The following TEAD4 variants were observed in gnomAD, a reference collection of about 807,000 sequenced individuals.
TEAD4 encodes the protein transcriptional enhancer factor TEF-3.
A neutral mutation model predicts 52.4 loss-of-function variants in TEAD4; 36 were observed. The ratio of observed to expected loss-of-function variants is 0.69; its 90% CI spans 0.53 to 0.91. TEAD4 has a LOEUF of 0.91. Among genes scored for constraint, TEAD4 ranks in the 40% least tolerant of loss-of-function variants. The probability of loss-of-function intolerance (pLI) is 0.00; values close to 1 mark genes in which losing one functional copy is unlikely to be tolerated. For missense variants in TEAD4, 508 were observed against 583.9 expected (o/e 0.87, Z 1.34); for synonymous variants, 220 against 231.0 (o/e 0.95, Z 0.43).
At chr12:3,005,215 C>T (rs912300226) in intron 3 of TEAD4, among the ~76,000 whole-genome samples, 6 of 152,176 alleles carry the variant, frequency 3.9e-5, no homozygotes, top group African/African-American at 1.4e-4. Context: ...GAGGCTGGGG[C>T]GGGCATGACG....
chr12:3,017,555 AGGCCAGCCCT>A (rs748682645), intron 6 of TEAD4, 29 bp downstream of exon 6: 6 of 1,599,360 alleles, frequency 3.8e-6, no homozygotes, highest in Non-Finnish European at 5.1e-6. Context: ...GCTGGAGGCC[AGGCCAGCCCT>A]CTCCTCCTCC....
intron 2 of TEAD4, among the ~76,000 whole-genome samples, chr12:2,991,400 G>A (rs2098242870): frequency 6.6e-6 from 1 of 152,236 alleles, no homozygotes. Flanking sequence ...GATGGCTCAC[G>A]CCTGTGATTT....
rs374808829 is a variant in TEAD4, at chr12:3,038,200, G to A, written c.1038+92G>A. The A allele has an allele frequency of 1.9e-4, 284 of 1,488,574 alleles. 1 individual carries two copies. The African/African-American group carries it at 2.9e-3, about 15-fold the overall frequency. 92.2% of individuals were successfully genotyped at this position (1,488,574 alleles called of 1,614,324 possible). A position where few individuals can be genotyped will look rare whatever the true frequency, so the allele number is the denominator to read the frequency against. On this transcript the variant is annotated intron_variant, in intron 11 of 12. Transcript: ENST00000359864. ...TTTGCTTTCAGGAGGAATGCCCTCC[G>A]TTAGGGAGCCAGGATAATCCCTTGT...
intron 2 of TEAD4, among the ~76,000 whole-genome samples, chr12:2,979,719 C>A (rs1261886461): frequency 6.6e-6 from 1 of 152,198 alleles, no homozygotes; most frequent in Non-Finnish European, 1.5e-5. Context: ...TCCTTCCCTC[C>A]TGAGATGACA....
chr12:2,980,907 G>T (rs2098233643), intron 2 of TEAD4, among the ~76,000 whole-genome samples: 1 of 152,178 alleles, frequency 6.6e-6, no homozygotes. Context: ...GAGGCAGCTT[G>T]CAGTGGGGAA....
At chr12:3,003,572 G>T (rs1363443678) in intron 3 of TEAD4, among the ~76,000 whole-genome samples, 2 of 152,140 alleles carry the variant, frequency 1.3e-5, no homozygotes, top group African/African-American at 4.8e-5. Context: ...CCTGGATGCT[G>T]CATCAGGAAT....
intron 10 of TEAD4, among the ~76,000 whole-genome samples, chr12:3,028,663 C>G (rs1184165705): frequency 6.6e-6 from 1 of 151,710 alleles, no homozygotes; most frequent in Admixed American, 6.6e-5. Flanking sequence ...GACAGTCTTT[C>G]TCTGTCACCT....
chr12:2,983,294 C>A (rs527798143), intron 2 of TEAD4, among the ~76,000 whole-genome samples: 7 of 152,286 alleles, frequency 4.6e-5, no homozygotes, highest in African/African-American at 1.7e-4. Context: ...TCAGGCCCTA[C>A]GCTAGATGAC....
At chr12:2,961,261 G>A (rs1408594596) in intron 2 of TEAD4, among the ~76,000 whole-genome samples, 1 of 152,172 alleles carries the variant, frequency 6.6e-6, no homozygotes, top group East Asian at 1.9e-4. Flanking sequence ...AGGTAACCCA[G>A]TAGAAGAATC....
intron 3 of TEAD4, among the ~76,000 whole-genome samples, chr12:3,000,433 G>A (rs3825371): frequency 0.59 from 90,162 of 151,968 alleles, 31,636 homozygotes; most frequent in East Asian, 0.77. Flanking sequence ...GGCATCCCGT[G>A]GCGAAGGGGC....
At chr12:3,013,246 C>T (rs1408101414) in intron 5 of TEAD4, among the ~76,000 whole-genome samples, 2 of 148,922 alleles carry the variant, frequency 1.3e-5, no homozygotes, top group Admixed American at 6.6e-5. Context: ...GCCACTGGGC[C>T]TGGCCTGCAA....
At chr12:2,997,330 C>G (rs1009550386) in intron 3 of TEAD4, among the ~76,000 whole-genome samples, 1 of 152,200 alleles carries the variant, frequency 6.6e-6, no homozygotes, top group African/African-American at 2.4e-5. Context: ...TTGTGAAGTT[C>G]TGCTTCTTAC....
At chr12:2,997,626 T>C (rs1458477873) in intron 3 of TEAD4, among the ~76,000 whole-genome samples, 2 of 151,944 alleles carry the variant, frequency 1.3e-5, no homozygotes, top group East Asian at 1.9e-4. Flanking sequence ...CTGTGTGCTT[T>C]AGAGACAGAG....
intron 10 of TEAD4, among the ~76,000 whole-genome samples, chr12:3,025,746 A>G (rs1223207396): frequency 6.6e-6 from 1 of 152,132 alleles, no homozygotes; most frequent in Non-Finnish European, 1.5e-5. Flanking sequence ...AGTGTTGGCC[A>G]GGCTGGTCTT....
chr12:2,970,756 G>C (rs1185198317), intron 2 of TEAD4, among the ~76,000 whole-genome samples: 1 of 152,138 alleles, frequency 6.6e-6, no homozygotes, highest in African/African-American at 2.4e-5. Context: ...CCCATCCCTC[G>C]GCAGGTGCAT....
At chr12:2,997,269 C>A (rs943262399) in intron 3 of TEAD4, among the ~76,000 whole-genome samples, 6 of 152,178 alleles carry the variant, frequency 3.9e-5, no homozygotes, top group African/African-American at 1.4e-4. Flanking sequence ...GGAAACTAAC[C>A]CCTGAAATAT....
intron 3 of TEAD4, 110 bp from the exon 4 acceptor site, chr12:3,010,894 A>T: frequency 1.7e-6 from 2 of 1,193,954 alleles, no homozygotes; most frequent in East Asian, 2.4e-5. Flanking sequence ...TCCGCTTAGG[A>T]TGGGCAGAGA....
intron 10 of TEAD4, among the ~76,000 whole-genome samples, chr12:3,026,970 T>C (rs866620202): frequency 6.6e-6 from 1 of 152,194 alleles, no homozygotes; most frequent in African/African-American, 2.4e-5. Flanking sequence ...GTGTTACTTC[T>C]TAAGTTTTCT....
intron 3 of TEAD4, 57 bp downstream of exon 3, chr12:2,995,049 C>G: frequency 6.4e-7 from 1 of 1,570,368 alleles, no homozygotes. Context: ...GGGCCGACAC[C>G]AGAACCTTGG....
Sources: allele counts gnomAD v4.1 joint callset (sites outside exome capture counted in the v4.1 genomes callset), GRCh38; gene constraint gnomAD v4.1.1; transcripts MANE v1.5; gene names NCBI Gene and HGNC (gene_info 2026-07-23, HGNC 2026-07-21).